POU2AF1: variants seen among roughly 807,000 people sequenced by gnomAD.
POU2AF1 encodes POU domain class 2-associating factor 1.
POU2AF1 carries 12 observed loss-of-function variants against 26.3 expected under a neutral mutation model. The ratio of observed to expected loss-of-function variants is 0.46; its 90% CI spans 0.29 to 0.74. POU2AF1 has a LOEUF of 0.74. POU2AF1 is among the 30% of genes least tolerant of loss of function. The probability of loss-of-function intolerance (pLI) is 0.09; values close to 1 mark genes in which losing one functional copy is unlikely to be tolerated. For synonymous variants in POU2AF1, 175 were observed against 148.0 expected, an observed-to-expected ratio of 1.18 and a Z score of -1.32; for missense variants, 297 against 334.5, an observed-to-expected ratio of 0.89 and a Z score of 0.87.
chr11:111,361,482 C>A (rs1861007433), intron 1 of POU2AF1, among the ~76,000 whole-genome samples: 1 of 152,222 alleles, frequency 6.6e-6, no homozygotes, highest in African/African-American at 2.4e-5. Flanking sequence ...AATAATAATT[C>A]TTCTCTCACA....
intron 1 of POU2AF1, among the ~76,000 whole-genome samples, chr11:111,359,697 T>A (rs1860967893): frequency 6.6e-6 from 1 of 152,248 alleles, no homozygotes; most frequent in African/African-American, 2.4e-5. Context: ...TTCAGTCTAT[T>A]ATGTAATAGT....
intron 4 of POU2AF1, 55 bp from the exon 5 acceptor site, chr11:111,354,630 C>A (rs2135104263): frequency 2.1e-6 from 3 of 1,415,578 alleles, no homozygotes; most frequent in East Asian, 2.5e-5. Context: ...ACCCATCCAC[C>A]CATCCTTGCC....
At chr11:111,358,463 C>T (rs1314019397) in intron 2 of POU2AF1, among the ~76,000 whole-genome samples, 3 of 151,176 alleles carry the variant, frequency 2.0e-5, no homozygotes, top group East Asian at 1.9e-4. Flanking sequence ...CACTCTCTCA[C>T]ACACATACAT....
At chr11:111,354,792 G>A (rs547724482) in intron 4 of POU2AF1, among the ~76,000 whole-genome samples, 6 of 152,210 alleles carry the variant, frequency 3.9e-5, no homozygotes, top group Admixed American at 3.3e-4. Context: ...CTAGCTATAT[G>A]TCTTTGCTCA....
At position 111,378,956 on chromosome 11, in the gene POU2AF1, T is replaced by C. The variant is rs563378365; in HGVS notation, c.16+206A>G. Among the ~76,000 whole-genome samples the C allele has an allele frequency of 5.3e-5, 8 of 152,076 alleles. No individual in the cohort carries two copies. The South Asian group carries it at 6.3e-4, about 12-fold the overall frequency. ...GTTCGTTCCCCTCCAGCCTGGAAAA[T>C]CAGCATCACCTCTGACAGGCTGGTT... On this transcript the variant is annotated intron_variant, in intron 1 of 4. Transcript: ENST00000393067.
In POU2AF1 at chr11:111,379,197, C is replaced by T. The variant is rs768254775; in HGVS notation, c.-20G>A. 27 of 1,614,138 alleles carry T rather than the reference C, an allele frequency of 1.7e-5. No individual in the cohort carries two copies. Among genetic ancestry groups the T allele is most frequent in the Non-Finnish European group, 2.3e-5 (27 of 1,179,984 alleles). On this transcript the variant is annotated 5_prime_UTR_variant, in exon 1 of 5. Transcript: ENST00000393067. ...GAGCATGGCCTGTGACAGGATGTTG[C>T]CTTTTCTCTTTGAAGCCGACAGTTT...
intron 1 of POU2AF1, among the ~76,000 whole-genome samples, chr11:111,364,745 A>G (rs1861073088): frequency 6.6e-6 from 1 of 152,136 alleles, no homozygotes; most frequent in Admixed American, 6.5e-5. Context: ...CCGTCCCACC[A>G]TCTCACCTAC....
chr11:111,377,602 C>T (rs989218378), intron 1 of POU2AF1, among the ~76,000 whole-genome samples: 5 of 152,278 alleles, frequency 3.3e-5, no homozygotes, highest in South Asian at 2.1e-4. Context: ...TTTACCCCCA[C>T]TTAACATACA....
intron 1 of POU2AF1, chr11:111,363,403 T>A (rs1445248035): frequency 1.1e-5 from 11 of 1,016,474 alleles, no homozygotes; most frequent in Non-Finnish European, 3.5e-6. Context: ...TTTTGCAAGT[T>A]GAAACTTGCA....
chr11:111,358,729 G>T lies in POU2AF1; in HGVS notation c.147+59C>A, dbSNP rs1860940502. The T allele has an allele frequency of 4.0e-6, 6 of 1,508,556 alleles. No homozygotes were observed. In the South Asian group the frequency reaches 6.0e-5, roughly 15 times the overall value. 93.4% of individuals were successfully genotyped at this position (1,508,556 alleles called of 1,614,324 possible). On this transcript the variant is annotated intron_variant, in intron 2 of 4. Transcript: ENST00000393067. ...ACACATACACTCTCACACTATCCCTGACACACACATTCTCTTTCACACACA... is the reference window on the plus strand; with the variant it reads ...ACACATACACTCTCACACTATCCCTTACACACACATTCTCTTTCACACACA...
chr11:111,367,876 C>G (rs1400522460), intron 1 of POU2AF1, among the ~76,000 whole-genome samples: 1 of 152,188 alleles, frequency 6.6e-6, no homozygotes, highest in Admixed American at 6.5e-5. Flanking sequence ...TGACAGCGGA[C>G]AGGTCCACCT....
intron 1 of POU2AF1, among the ~76,000 whole-genome samples, chr11:111,377,596 C>G (rs956479553): frequency 6.6e-6 from 1 of 152,096 alleles, no homozygotes; most frequent in South Asian, 2.1e-4. Flanking sequence ...ATGATTTTTA[C>G]CCCCACTTAA....
At chr11:111,376,336 T>G (rs943196049) in intron 1 of POU2AF1, among the ~76,000 whole-genome samples, 6 of 152,180 alleles carry the variant, frequency 3.9e-5, no homozygotes, top group Non-Finnish European at 8.8e-5. Context: ...TCCTGCTATT[T>G]CCACTACACT....
Position 111,353,646 on chromosome 11 carries a change from C to T in POU2AF1, c.*615G>A, listed in dbSNP as rs943778493. 1.7e-5 allele frequency: 4 copies of T among 234,174 alleles called. No individual in the cohort carries two copies. The highest frequency in any genetic ancestry group is 1.8e-4 in the South Asian group (1 of 5,562). 14.5% of individuals were successfully genotyped at this position (234,174 alleles called of 1,614,324 possible). ...GGCTGACTTTCTCAGGAGGTGCTGT[C>T]GGGGCTGGTCTTCCCGCCGGCCACC... On this transcript the variant is annotated 3_prime_UTR_variant, in exon 5 of 5. Transcript: ENST00000393067.
At chr11:111,375,187 C>T (rs1286607408) in intron 1 of POU2AF1, among the ~76,000 whole-genome samples, 1 of 152,106 alleles carries the variant, frequency 6.6e-6, no homozygotes, top group South Asian at 2.1e-4. Context: ...TTCCCTAATA[C>T]AAACAACAAC....
intron 1 of POU2AF1, among the ~76,000 whole-genome samples, chr11:111,367,977 G>C (rs753005075): frequency 3.9e-5 from 6 of 152,184 alleles, no homozygotes; most frequent in Non-Finnish European, 2.9e-5. Context: ...CAGGGTAGGG[G>C]ACAAGACCAA....
intron 1 of POU2AF1, among the ~76,000 whole-genome samples, chr11:111,369,487 A>C (rs1416371919): frequency 4.6e-5 from 7 of 152,170 alleles, no homozygotes; most frequent in Non-Finnish European, 8.8e-5. Context: ...TATGTTGTAG[A>C]TACTCCCTCA....
At chr11:111,376,606 G>A (rs1861314542) in intron 1 of POU2AF1, among the ~76,000 whole-genome samples, 1 of 152,204 alleles carries the variant, frequency 6.6e-6, no homozygotes, top group South Asian at 2.1e-4. Flanking sequence ...TCATGGGCTA[G>A]GTAGGGAGGA....
chr11:111,357,032 C>T (rs2135108789), intron 4 of POU2AF1, among the ~76,000 whole-genome samples: 1 of 152,310 alleles, frequency 6.6e-6, no homozygotes, highest in South Asian at 2.1e-4. Context: ...TGTTAAACCC[C>T]ATTATTAAGT....
Sources: allele counts gnomAD v4.1 joint callset (sites outside exome capture counted in the v4.1 genomes callset), GRCh38; gene constraint gnomAD v4.1.1; transcripts MANE v1.5; gene names NCBI Gene and HGNC (gene_info 2026-07-23, HGNC 2026-07-21).